The following NCAPG variants were observed in gnomAD, a reference collection of about 807,000 sequenced individuals.
NCAPG encodes the protein condensin complex subunit 3.
A neutral mutation model predicts 113.1 loss-of-function variants in NCAPG; 69 were observed. That is an observed-to-expected ratio of 0.61 (90% CI 0.50 to 0.75). The LOEUF (loss-of-function observed/expected upper bound fraction) is 0.75, where lower values mean the gene tolerates loss of function less well. NCAPG is among the 30% of genes least tolerant of loss of function. The pLI is 0.00. For synonymous variants in NCAPG, 370 were observed against 415.8 expected (o/e 0.89, Z 1.34); for missense variants, 1,058 against 1,177.0 (o/e 0.90, Z 1.48).
At chr4:17,833,078 A>C (rs981535324) in intron 13 of NCAPG, among the ~76,000 whole-genome samples, 1 of 152,156 alleles carries the variant, frequency 6.6e-6, no homozygotes. Flanking sequence ...CCTAAATTTA[A>C]TTACATTAAA....
At chr4:17,817,847 A>C (rs1450502334) in intron 6 of NCAPG, 92 bp from the exon 7 acceptor site, 2 of 1,307,084 alleles carry the variant, frequency 1.5e-6, no homozygotes, top group African/African-American at 3.0e-5. Context: ...TAGTGGTTTT[A>C]AAGCAAATCT....
intron 11 of NCAPG, among the ~76,000 whole-genome samples, chr4:17,827,820 T>G (rs999023512): frequency 2.6e-5 from 4 of 151,308 alleles, no homozygotes; most frequent in African/African-American, 9.7e-5. Flanking sequence ...TTTTTTTTTT[T>G]TTTGAGACAA....
At chr4:17,822,174 A>T (rs1721483911) in intron 7 of NCAPG, among the ~76,000 whole-genome samples, 1 of 150,602 alleles carries the variant, frequency 6.6e-6, no homozygotes, top group Non-Finnish European at 1.5e-5. Context: ...ATAATTAGGC[A>T]TGATGAAGAT....
rs943446148 is a variant in NCAPG at position 17,839,717 on chromosome 4, T to C, written c.2508T>C (p.Asn836=). The C allele has an allele frequency of 2.8e-5, 44 of 1,567,898 alleles. No individual in the cohort carries two copies. The highest frequency in any genetic ancestry group is 3.7e-5 in the Non-Finnish European group (43 of 1,165,966). The change falls in exon 17 of 21, where the codon AAT becomes AAC. Residue 836 remains asparagine, a synonymous_variant. Coordinates refer to ENST00000251496, the MANE Select transcript of NCAPG (RefSeq NM_022346.5). ...VHDNLAMKIC[N]EILTSPCSPE... ...ACAATTTGGCTATGAAAATTTGCAA[T>C]GAGATCTTAACAAGTCCGTGCTCGC...
chr4:17,833,342 C>A (rs888903317), intron 13 of NCAPG, among the ~76,000 whole-genome samples: 3 of 151,586 alleles, frequency 2.0e-5, no homozygotes, highest in African/African-American at 7.3e-5. Context: ...GCCTGTAATC[C>A]CAGCTGCTCA....
intron 7 of NCAPG, among the ~76,000 whole-genome samples, chr4:17,820,277 C>T (rs193282199): frequency 6.6e-6 from 1 of 152,178 alleles, no homozygotes; most frequent in Non-Finnish European, 1.5e-5. Context: ...GTAACTTTAA[C>T]CTCTTCGACT....
chr4:17,829,226 C>T (rs1721776009), intron 12 of NCAPG, among the ~76,000 whole-genome samples: 1 of 152,134 alleles, frequency 6.6e-6, no homozygotes, highest in Non-Finnish European at 1.5e-5. Flanking sequence ...TCATTCAAAG[C>T]AAATTCTGTA....
chr4:17,825,605 C>T (rs760198907), intron 11 of NCAPG, 44 bp downstream of exon 11: 1 of 1,479,752 alleles, frequency 6.8e-7, no homozygotes, highest in Non-Finnish European at 9.1e-7. Context: ...TGTTATTAAT[C>T]ATCTCAACTA....
At chr4:17,815,455 C>G in intron 5 of NCAPG, 97 bp downstream of exon 5, 1 of 769,678 alleles carries the variant, frequency 1.3e-6, no homozygotes. Context: ...GTCAAGTAAG[C>G]CTGCCAGTCC....
intron 18 of NCAPG, 96 bp downstream of exon 18, chr4:17,840,305 G>A: frequency 7.7e-7 from 1 of 1,298,996 alleles, no homozygotes. Flanking sequence ...TGTTTGGTTG[G>A]ACATCAGAAA....
At chr4:17,824,681 A>G (rs1462181726) in intron 9 of NCAPG, among the ~76,000 whole-genome samples, 2 of 152,074 alleles carry the variant, frequency 1.3e-5, no homozygotes, top group Non-Finnish European at 2.9e-5. Flanking sequence ...TAAGCACCAT[A>G]ATTCATATTT....
chr4:17,824,796 TTTTG>T (rs1721593015), intron 9 of NCAPG, among the ~76,000 whole-genome samples, 168 bp from the exon 10 acceptor site: 1 of 151,998 alleles, frequency 6.6e-6, no homozygotes, highest in African/African-American at 2.4e-5. Flanking sequence ...TATTGTTTTG[TTTTG>T]TTTTTTTCTA....
rs1181754709 is a variant in NCAPG at position 17,815,314 on chromosome 4, C to G, written c.731C>G (p.Ala244Gly). 6 of 1,590,714 alleles carry G rather than the reference C, an allele frequency of 3.8e-6. No individual in the cohort carries two copies. The highest frequency in any genetic ancestry group is 5.1e-6 in the Non-Finnish European group (6 of 1,174,732). Residue 244 changes from alanine to glycine, a missense_variant, in exon 5 of 21, where the codon GCT becomes GGT. Transcript: ENST00000251496. The part of the protein sequence containing the change: ...EKVHMRAMSI[A>G]QRVMLLQQGL... ...GTTCATATGAGAGCTATGTCCATTG[C>G]TCAGAGAGTAATGCTCCTTCAACAA... is the stretch of plus-strand genomic sequence containing the variant.
At chr4:17,829,209 GTAC>G (rs1253674436) in intron 12 of NCAPG, among the ~76,000 whole-genome samples, 1 of 152,130 alleles carries the variant, frequency 6.6e-6, no homozygotes, top group African/African-American at 2.4e-5. Flanking sequence ...GTTTTTGATA[GTAC>G]TACTCATTCA....
intron 15 of NCAPG, 68 bp downstream of exon 15, chr4:17,837,408 T>A (rs1722146262): frequency 7.2e-7 from 1 of 1,393,276 alleles, no homozygotes; most frequent in South Asian, 1.4e-5. Context: ...ATGAATTATA[T>A]CTATAATGAT....
At position 17,816,056 on chromosome 4, in the gene NCAPG, A is replaced by G. The variant is rs1489701023; in HGVS notation, c.775+698A>G. Among the ~76,000 whole-genome samples, 11 of 148,824 alleles carry G rather than the reference A, an allele frequency of 7.4e-5. No individual in the cohort carries two copies. In the South Asian group the frequency reaches 2.5e-3, roughly 34 times the overall value. On this transcript the variant is annotated intron_variant, in intron 5 of 20. Coordinates refer to ENST00000251496, the MANE Select transcript of NCAPG (RefSeq NM_022346.5). ...AAATAGGAATGGTCAGACCAGTATA[A>G]TTTTCTTATTTTTTTTTTTTTCTGT...
chr4:17,831,429 A>G (rs552479750), intron 13 of NCAPG, among the ~76,000 whole-genome samples: 1 of 152,336 alleles, frequency 6.6e-6, no homozygotes, highest in African/African-American at 2.4e-5. Flanking sequence ...AACAAGATAA[A>G]ATGTGTTGTC....
intron 19 of NCAPG, chr4:17,841,413 G>A (rs1198019211): frequency 6.6e-6 from 1 of 151,774 alleles, no homozygotes; most frequent in African/African-American, 2.4e-5. Context: ...ATATTGTTTT[G>A]TAACCAGTAA....
rs543488787 is a variant in NCAPG at position 17,817,758 on chromosome 4, T to G, written c.969-181T>G. ...CATGCACCCCTAGTATATGTTTGCT[T>G]ATTTGGTTCTTTTTTGTTCTAAGTT... On this transcript the variant is annotated intron_variant, in intron 6 of 20. Transcript: ENST00000251496. 2.0e-5 allele frequency among the ~76,000 whole-genome samples: 3 copies of G among 152,292 alleles called. No homozygotes were observed. In the East Asian group the frequency reaches 5.8e-4, roughly 29 times the overall value.
Sources: gnomAD v4.1 joint callset for allele counts (sites outside exome capture counted in the v4.1 genomes callset) on GRCh38, gnomAD v4.1.1 for gene constraint, MANE v1.5 for transcripts, NCBI Gene and HGNC (gene_info 2026-07-23, HGNC 2026-07-21) for gene names.